Variants in PRDM10 observed in about 807,000 individuals in gnomAD.
PRDM10 encodes the protein PR/SET domain 10, also known as PR domain zinc finger protein 10.
A neutral mutation model predicts 133.1 loss-of-function variants in PRDM10; 65 were observed. The observed-to-expected ratio is 0.49, with a 90% CI of 0.40 to 0.60. PRDM10 has a LOEUF of 0.60. Ranked by LOEUF, PRDM10 falls within the 20% of genes least tolerant of loss-of-function variation. The pLI is 0.00. For synonymous variants in PRDM10, 582 were observed against 580.4 expected (o/e 1.00, Z -0.04); for missense variants, 1,137 against 1,507.1 (o/e 0.75, Z 4.07).
chr11:129,963,778 G>A (rs1287818566), intron 1 of PRDM10, among the ~76,000 whole-genome samples: 2 of 152,040 alleles, frequency 1.3e-5, no homozygotes, highest in South Asian at 4.2e-4. Context: ...CTGTTAACAC[G>A]GTAACAGTAA....
intron 1 of PRDM10, among the ~76,000 whole-genome samples, chr11:129,966,856 C>T (rs185495776): frequency 2.1e-4 from 32 of 152,192 alleles, no homozygotes; most frequent in African/African-American, 7.5e-4. Context: ...ACATCAACAA[C>T]GCTCTTGGTG....
chr11:129,999,364 C>A (rs1051714050), intron 1 of PRDM10, among the ~76,000 whole-genome samples: 2 of 152,180 alleles, frequency 1.3e-5, no homozygotes, highest in Non-Finnish European at 2.9e-5. Flanking sequence ...TTGGCTCTTT[C>A]TAGACACCAG....
intron 18 of PRDM10, among the ~76,000 whole-genome samples, chr11:129,911,753 A>G (rs1278068820): frequency 6.6e-6 from 1 of 152,316 alleles, no homozygotes; most frequent in Admixed American, 6.5e-5. Flanking sequence ...ATACAAACAC[A>G]GTAACATAAA....
chr11:129,933,886 C>T lies in PRDM10; in HGVS notation c.1157+1215G>A, dbSNP rs112407321. Among the ~76,000 whole-genome samples the T allele has an allele frequency of 6.9e-3, 1,057 of 152,262 alleles. 7 individuals are homozygous for T. Among genetic ancestry groups the T allele is most frequent in the Non-Finnish European group, 0.011 (755 of 68,022 alleles). ...CTCTTCATGCCAATCCCATGCACTGCCCACTCGGACACTACCCTGGCTCTG... is the reference window on the plus strand; with the variant it reads ...CTCTTCATGCCAATCCCATGCACTGTCCACTCGGACACTACCCTGGCTCTG... On this transcript the variant is annotated intron_variant, in intron 9 of 20. Transcript: ENST00000360871.
intron 3 of PRDM10, 36 bp from the exon 4 acceptor site, chr11:129,955,607 T>C: frequency 6.2e-7 from 1 of 1,601,054 alleles, no homozygotes; most frequent in South Asian, 1.1e-5. Flanking sequence ...TATCAGTAGC[T>C]CTTTGGATAG....
At chr11:129,957,642 G>C (rs934365027) in intron 3 of PRDM10, 104 bp downstream of exon 3, 4 of 1,383,136 alleles carry the variant, frequency 2.9e-6, no homozygotes, top group South Asian at 2.7e-5. Flanking sequence ...ATCTGAATAC[G>C]TACTGCATCA....
Position 129,918,504 on chromosome 11 carries a change from G to C in PRDM10, c.2214+35C>G, listed in dbSNP as rs1378081193. The C allele has an allele frequency of 1.9e-6, 3 of 1,602,170 alleles. No homozygotes were observed. In the Admixed American group the frequency reaches 5.1e-5, roughly 27 times the overall value. On this transcript the variant is annotated intron_variant, in intron 14 of 20. Transcript: ENST00000360871. This position sits in a 1 kb window ranked among gnomAD's most constrained non-coding sequence, Gnocchi z 5.3. ...CATCGACAGCAATGAGGTATGCTGG[G>C]AAGACAGAGGAACCCGCAGCCACTG...
chr11:129,957,553 A>G (rs1219904975), intron 3 of PRDM10, among the ~76,000 whole-genome samples, 193 bp downstream of exon 3: 1 of 152,036 alleles, frequency 6.6e-6, no homozygotes, highest in African/African-American at 2.4e-5. Flanking sequence ...TCCTGACCTC[A>G]TGATCCACCT....
chr11:129,931,265 T>C lies in PRDM10; in HGVS notation c.1288-7A>G, dbSNP rs780941639. ...TGGGAAAATGTAGCAAGTCCTGAAA[T>C]TTGCAATAACCAGGAATAGAGATCA... On this transcript the variant is annotated splice_region_variant and splice_polypyrimidine_tract_variant and intron_variant, in intron 10 of 20. Coordinates refer to ENST00000360871, the MANE Select transcript of PRDM10 (RefSeq NM_199437.2). 1.2e-6 allele frequency: 2 copies of C among 1,612,572 alleles called. No individual in the cohort carries two copies. Among genetic ancestry groups the C allele is most frequent in the South Asian group, 2.2e-5 (2 of 90,972 alleles).
chr11:129,939,741 C>G (rs1032422504), intron 7 of PRDM10, among the ~76,000 whole-genome samples: 2 of 152,196 alleles, frequency 1.3e-5, no homozygotes, highest in African/African-American at 4.8e-5. Flanking sequence ...GAAAGCCATG[C>G]AAGGCTGGCG....
chr11:129,992,039 A>G lies in PRDM10; in HGVS notation c.-119+10683T>C, dbSNP rs1201922138. 2.6e-5 allele frequency among the ~76,000 whole-genome samples: 4 copies of G among 152,220 alleles called. No individual in the cohort carries two copies. In the East Asian group the frequency reaches 7.7e-4, roughly 29 times the overall value. The stretch of plus-strand genomic sequence containing the variant: ...TTTTCTTCCGCAGGAGACACAAAAT[A>G]GAAGCATTCCTGTTTAGAAATCTTA... On this transcript the variant is annotated intron_variant, in intron 1 of 20. Transcript: ENST00000360871.
At chr11:129,959,467 ATCAT>A (rs778970992) in intron 2 of PRDM10, among the ~76,000 whole-genome samples, 4 of 152,138 alleles carry the variant, frequency 2.6e-5, no homozygotes, top group Non-Finnish European at 5.9e-5. Flanking sequence ...CTTGGTCTTC[ATCAT>A]TCATTAAATC....
intron 11 of PRDM10, among the ~76,000 whole-genome samples, chr11:129,928,530 C>T (rs892853165): frequency 6.6e-6 from 1 of 152,070 alleles, no homozygotes; most frequent in East Asian, 1.9e-4. Flanking sequence ...GCTGAGACTA[C>T]AGGTGCCTGC....
chr11:129,961,321 T>A (rs1190043756), intron 1 of PRDM10, among the ~76,000 whole-genome samples: 2 of 152,000 alleles, frequency 1.3e-5, no homozygotes, highest in Non-Finnish European at 2.9e-5. Context: ...GTTTTTGTTT[T>A]TGAGATGGAG....
In PRDM10 at chr11:130,002,835, T is replaced by C. The variant is rs184891904; in HGVS notation, c.-232A>G. 115 of 193,610 alleles carry C rather than the reference T, an allele frequency of 5.9e-4. No individual in the cohort carries two copies. Among genetic ancestry groups the C allele is most frequent in the Middle Eastern group, 2.3e-3 (1 of 436 alleles). 12.0% of individuals were successfully genotyped at this position (193,610 alleles called of 1,614,324 possible). A position where few individuals can be genotyped will look rare whatever the true frequency, so the allele number is the denominator to read the frequency against. ...CCAGGTGGTTCTTCCCGCCGCAGAG[T>C]GGGAGCAGCATAAAAGGCGGGGTCT... On this transcript the variant is annotated 5_prime_UTR_variant, in exon 1 of 21. Coordinates refer to ENST00000360871, the MANE Select transcript of PRDM10 (RefSeq NM_199437.2).
chr11:129,949,251 C>G (rs1402662913), intron 4 of PRDM10, among the ~76,000 whole-genome samples: 1 of 152,178 alleles, frequency 6.6e-6, no homozygotes, highest in African/African-American at 2.4e-5. Context: ...CACCCCTTAG[C>G]AAGTTACTAC....
intron 11 of PRDM10, among the ~76,000 whole-genome samples, chr11:129,929,137 C>T (rs1293977458): frequency 6.6e-6 from 1 of 152,238 alleles, no homozygotes; most frequent in Non-Finnish European, 1.5e-5. Flanking sequence ...TAGAACTCAA[C>T]ACTATTGCAT....
chr11:129,994,302 A>G (rs1475562609), intron 1 of PRDM10, among the ~76,000 whole-genome samples: 4 of 151,812 alleles, frequency 2.6e-5, no homozygotes, highest in African/African-American at 7.3e-5. Context: ...TCTACTAAAA[A>G]AAAAGTACAA....
At chr11:129,976,988 C>A (rs1937793822) in intron 1 of PRDM10, among the ~76,000 whole-genome samples, 1 of 152,058 alleles carries the variant, frequency 6.6e-6, no homozygotes, top group African/African-American at 2.4e-5. Context: ...CTTGACCTTG[C>A]CTGGCAAGGT....
Sources: allele counts gnomAD v4.1 joint callset (sites outside exome capture counted in the v4.1 genomes callset), GRCh38; gene constraint gnomAD v4.1.1; non-coding constraint Gnocchi (gnomAD v3.1); transcripts MANE v1.5; gene names NCBI Gene and HGNC (gene_info 2026-07-23, HGNC 2026-07-21).